Variants in UNC79 observed in about 807,000 individuals in gnomAD.
UNC79 encodes unc-79 subunit of NALCN channel complex.
Under a neutral mutation model 283.1 loss-of-function variants are expected in UNC79, and 37 were observed. The ratio of observed to expected loss-of-function variants is 0.13; its 90% CI spans 0.10 to 0.17. The LOEUF is 0.17. Among genes scored for constraint, UNC79 ranks in the 10% least tolerant of loss-of-function variants. The pLI is 1.00. For missense variants in UNC79, 2,272 were observed against 3,211.1 expected (o/e 0.71, Z 7.07); for synonymous variants, 1,107 against 1,200.2 (o/e 0.92, Z 1.61).
intron 26 of UNC79, among the ~76,000 whole-genome samples, chr14:93,612,493 C>A (rs1046235220): frequency 6.6e-6 from 1 of 152,132 alleles, no homozygotes; most frequent in Non-Finnish European, 1.5e-5. Context: ...TTGCTAAATG[C>A]AAAATTTATG....
chr14:93,496,451 A>G, exon 6 of UNC79: 1 of 1,548,920 alleles, frequency 6.5e-7, no homozygotes, highest in Non-Finnish European at 8.7e-7. Context: ...TGAAATATAA[A>G]CAAGAAGTCT....
At chr14:93,477,152 G>C (rs1335810743) in intron 3 of UNC79, among the ~76,000 whole-genome samples, 2 of 152,140 alleles carry the variant, frequency 1.3e-5, no homozygotes, top group Non-Finnish European at 2.9e-5. Flanking sequence ...CGACACTCCA[G>C]ATGGTTTGAT....
chr14:93,440,417 T>A (rs1031804588), intron 1 of UNC79, among the ~76,000 whole-genome samples: 11 of 152,110 alleles, frequency 7.2e-5, no homozygotes, highest in African/African-American at 2.7e-4. Flanking sequence ...TTACTTCTAG[T>A]TTTTGGCATT....
chr14:93,621,806 C>T lies in UNC79; in HGVS notation c.4573C>T (p.Arg1525Trp), dbSNP rs1052514724. ...ACATCGTAGGAAGTCGTGCATAGAT[C>T]GGTGTGACATAGAGAAGCCTCCGAC... Residue 1525 changes from arginine (R) to tryptophan (W), a missense_variant, in exon 30 of 49, where the codon CGG becomes TGG. Physicochemically the swap from Arg to Trp is moderately radical, Grantham distance 101 (BLOSUM62 -3). Around this residue, in one of 11 missense-constraint regions of UNC79, gnomAD observed 580 missense variants for 632.2 expected, o/e 0.92. Coordinates refer to ENST00000555664, the Ensembl canonical transcript of UNC79. This position sits in a 1 kb window ranked among gnomAD's most constrained non-coding sequence, Gnocchi z 4.8. 6 of 1,604,202 alleles carry T rather than the reference C, an allele frequency of 3.7e-6. No homozygotes were observed. Among genetic ancestry groups the T allele is most frequent in the Non-Finnish European group, 4.3e-6 (5 of 1,175,388 alleles).
At chr14:93,663,809 G>C (rs1020581515) in intron 40 of UNC79, among the ~76,000 whole-genome samples, 2 of 151,788 alleles carry the variant, frequency 1.3e-5, no homozygotes, top group East Asian at 3.9e-4. Flanking sequence ...GCACCAAAAA[G>C]ATTTTCTATT....
chr14:93,414,065 C>T (rs2055398710), intron 1 of UNC79, among the ~76,000 whole-genome samples: 2 of 152,082 alleles, frequency 1.3e-5, no homozygotes, highest in African/African-American at 4.8e-5. Flanking sequence ...GCTTTTGTTG[C>T]CATTGCTTTT....
chr14:93,499,389 G>T (rs913143284), intron 7 of UNC79, among the ~76,000 whole-genome samples: 1 of 152,070 alleles, frequency 6.6e-6, no homozygotes, highest in African/African-American at 2.4e-5. Flanking sequence ...AAGTATAAAT[G>T]GATAATCAGT....
At chr14:93,361,211 C>CAAAAAAAAAAAAAAA (rs58267219) in intron 1 of UNC79, among the ~76,000 whole-genome samples, 29 of 54,330 alleles carry the variant, frequency 5.3e-4, no homozygotes, top group East Asian at 1.6e-3. Flanking sequence ...GACTCTGTCT[C>CAAAAAAAAAAAAAAA]AAAAAAAAAA....
chr14:93,650,926 T>A (rs1055769472), intron 35 of UNC79, among the ~76,000 whole-genome samples: 3 of 150,150 alleles, frequency 2.0e-5, no homozygotes, highest in Admixed American at 1.3e-4. Flanking sequence ...TATGTATATT[T>A]GGCATTTATA....
chr14:93,569,294 G>C (rs1435575767), intron 14 of UNC79, among the ~76,000 whole-genome samples: 1 of 152,164 alleles, frequency 6.6e-6, no homozygotes, highest in Non-Finnish European at 1.5e-5. Flanking sequence ...AAATTAGCCA[G>C]GTGTGGTGGC....
chr14:93,403,809 G>A (rs956240800), intron 1 of UNC79, among the ~76,000 whole-genome samples: 11 of 150,750 alleles, frequency 7.3e-5, no homozygotes, highest in Admixed American at 7.3e-4. Flanking sequence ...ACCAATAAAG[G>A]ATCCCAGAAA....
At chr14:93,692,270 T>C (rs527325223) in intron 46 of UNC79, among the ~76,000 whole-genome samples, 111 of 152,324 alleles carry the variant, frequency 7.3e-4, no homozygotes, top group African/African-American at 2.6e-3. Context: ...CGTAAGGCAA[T>C]GTACATGTTA....
intron 40 of UNC79, among the ~76,000 whole-genome samples, chr14:93,665,028 G>C (rs1482914039): frequency 1.3e-5 from 2 of 151,646 alleles, no homozygotes; most frequent in Non-Finnish European, 2.9e-5. Context: ...TATTAAAACT[G>C]TGATAAAGAC....
At chr14:93,607,385 T>C (rs1362467339) in intron 26 of UNC79, among the ~76,000 whole-genome samples, 1 of 152,112 alleles carries the variant, frequency 6.6e-6, no homozygotes, top group African/African-American at 2.4e-5. Context: ...ACTAATGTAG[T>C]GAGGGATTAA....
intron 14 of UNC79, among the ~76,000 whole-genome samples, chr14:93,560,526 C>T (rs745374945): frequency 7.9e-5 from 12 of 151,912 alleles, no homozygotes; most frequent in Admixed American, 3.3e-4. Flanking sequence ...AAATGCCTGC[C>T]ATTCTAGTAT....
intron 14 of UNC79, among the ~76,000 whole-genome samples, chr14:93,554,796 A>T (rs1194665531): frequency 1.3e-5 from 2 of 152,234 alleles, no homozygotes; most frequent in African/African-American, 4.8e-5. Context: ...ACAATCCTTA[A>T]ACAACCTCTA....
upstream of UNC79, among the ~76,000 whole-genome samples, chr14:93,427,289 A>G (rs767508645): frequency 1.4e-4 from 21 of 152,162 alleles, no homozygotes; most frequent in Non-Finnish European, 2.4e-4. Context: ...ATGCTATTGG[A>G]GTCTTTAATC....
chr14:93,464,115 C>T (rs2140236331), intron 1 of UNC79, among the ~76,000 whole-genome samples: 1 of 152,266 alleles, frequency 6.6e-6, no homozygotes. Context: ...TGCCACTGCA[C>T]TCCAGCCTGG....
At chr14:93,387,730 G>A (rs2054807870) in intron 1 of UNC79, among the ~76,000 whole-genome samples, 1 of 152,192 alleles carries the variant, frequency 6.6e-6, no homozygotes, top group Non-Finnish European at 1.5e-5. Flanking sequence ...TGCATGAAAT[G>A]TTCTGTAAAT....
Sources: allele counts gnomAD v4.1 joint callset (sites outside exome capture counted in the v4.1 genomes callset), GRCh38; gene constraint gnomAD v4.1.1; regional missense constraint gnomAD v4.1.1; non-coding constraint Gnocchi (gnomAD v3.1); transcripts MANE v1.5; gene names NCBI Gene and HGNC (gene_info 2026-07-23, HGNC 2026-07-21).